The following RAB27B variants were observed in gnomAD, a reference collection of about 807,000 sequenced individuals.
RAB27B encodes the protein RAB27B, member RAS oncogene family, also known as ras-related protein Rab-27B.
A neutral mutation model predicts 24.6 loss-of-function variants in RAB27B; 15 were observed. The observed-to-expected ratio is 0.61, with a 90% confidence interval of 0.41 to 0.94. The LOEUF (loss-of-function observed/expected upper bound fraction) is 0.94. Among genes scored for constraint, RAB27B ranks in the 40% least tolerant of loss-of-function variants. The pLI, the probability that RAB27B is intolerant of heterozygous loss-of-function variation, is 0.00. For missense variants in RAB27B, 261 were observed against 266.8 expected (o/e 0.98, Z 0.15); for synonymous variants, 105 against 92.5 (o/e 1.14, Z -0.78).
chr18:54,815,971 A>G (rs1910109397), intron 2 of RAB27B, among the ~76,000 whole-genome samples: 1 of 152,190 alleles, frequency 6.6e-6, no homozygotes, highest in Non-Finnish European at 1.5e-5. Flanking sequence ...TTCTTTAAGT[A>G]CCAAAATATT....
intron 1 of RAB27B, among the ~76,000 whole-genome samples, chr18:54,838,152 C>T (rs1910967023): frequency 6.6e-6 from 1 of 152,134 alleles, no homozygotes; most frequent in South Asian, 2.1e-4. Context: ...AAATTGATAA[C>T]ACTTTTATCC....
chr18:54,721,379 C>A (rs1909353203), intron 2 of RAB27B, among the ~76,000 whole-genome samples: 1 of 152,126 alleles, frequency 6.6e-6, no homozygotes, highest in Non-Finnish European at 1.5e-5. Context: ...GAAGTTAACG[C>A]TAAGGAAACT....
At chr18:54,859,951 A>G (rs1335142212) in intron 1 of RAB27B, among the ~76,000 whole-genome samples, 1 of 152,220 alleles carries the variant, frequency 6.6e-6, no homozygotes, top group East Asian at 1.9e-4. Context: ...ACCAGATTTT[A>G]AAAACTCAGC....
intron 1 of RAB27B, among the ~76,000 whole-genome samples, chr18:54,851,652 C>T (rs184649518): frequency 6.6e-6 from 1 of 152,112 alleles, no homozygotes; most frequent in South Asian, 2.1e-4. Flanking sequence ...TTATTATCCA[C>T]CCTATTCTGC....
chr18:54,744,936 T>C (rs988524507), intron 2 of RAB27B: 4 of 206,836 alleles, frequency 1.9e-5, no homozygotes, highest in African/African-American at 9.3e-5. Context: ...TGGTGGCTCA[T>C]GCCATCATCA....
Position 54,782,672 on chromosome 18 carries a change from C to T in RAB27B, c.-20+64531C>T, listed in dbSNP as rs375982146. Reference sequence around the variant, plus strand: ...TAAGACTGAAGTTGTTCCTTAAATTCGACCATAAAACACAGACTGTTCATA... The same window carrying T: ...TAAGACTGAAGTTGTTCCTTAAATTTGACCATAAAACACAGACTGTTCATA... On this transcript the variant is annotated intron_variant, in intron 2 of 4. Transcript: ENST00000586570. Among the ~76,000 whole-genome samples, 58 of 152,250 alleles carry T rather than the reference C, an allele frequency of 3.8e-4. No homozygotes were observed. The East Asian group carries it at 7.2e-3, about 19-fold the overall frequency.
rs991192173 is a variant in RAB27B, at chr18:54,747,031, C to T, written c.-20+28890C>T. ...CTGTAAATAAAATAAAATCAGTCTC[C>T]ATGTATCTAAAAAATGTGTATCTGC... is the stretch of plus-strand genomic sequence containing the variant. On this transcript the variant is annotated intron_variant, in intron 2 of 4. Transcript: ENST00000586570. Among the ~76,000 whole-genome samples the T allele has an allele frequency of 3.9e-4, 60 of 152,110 alleles. 1 individual carries two copies. The highest frequency in any genetic ancestry group is 7.3e-5 in the Non-Finnish European group (5 of 68,032).
chr18:54,807,708 A>G (rs1008627963), intron 2 of RAB27B, among the ~76,000 whole-genome samples: 1 of 152,108 alleles, frequency 6.6e-6, no homozygotes, highest in Non-Finnish European at 1.5e-5. Flanking sequence ...TTGAACATTC[A>G]CTGGGGAACT....
intron 2 of RAB27B, among the ~76,000 whole-genome samples, chr18:54,819,433 G>A (rs1374944557): frequency 6.7e-6 from 1 of 149,074 alleles, no homozygotes; most frequent in African/African-American, 2.4e-5. Flanking sequence ...TCAGGAGGCT[G>A]AGGTGGGAGG....
chr18:54,804,024 G>T (rs531387375), intron 2 of RAB27B, among the ~76,000 whole-genome samples: 2 of 152,210 alleles, frequency 1.3e-5, no homozygotes, highest in African/African-American at 2.4e-5. Flanking sequence ...CTTCTTGATT[G>T]GTGTCTTATG....
chr18:54,806,282 C>A (rs1909787796), intron 2 of RAB27B, among the ~76,000 whole-genome samples: 1 of 151,970 alleles, frequency 6.6e-6, no homozygotes, highest in Admixed American at 6.6e-5. Flanking sequence ...TGCAGAACTG[C>A]CCTCCTCTTA....
chr18:54,813,834 A>T (rs1910041451), intron 2 of RAB27B, among the ~76,000 whole-genome samples: 1 of 152,004 alleles, frequency 6.6e-6, no homozygotes, highest in African/African-American at 2.4e-5. Flanking sequence ...CCAGGTTATC[A>T]TTTTTTTTAA....
At chr18:54,729,034 A>G (rs1173766924) in intron 2 of RAB27B, among the ~76,000 whole-genome samples, 1 of 151,400 alleles carries the variant, frequency 6.6e-6, no homozygotes, top group African/African-American at 2.4e-5. Context: ...TCTTATATTC[A>G]TTATAACATA....
At chr18:54,812,983 A>G (rs1347588837) in intron 2 of RAB27B, among the ~76,000 whole-genome samples, 1 of 152,140 alleles carries the variant, frequency 6.6e-6, no homozygotes, top group Non-Finnish European at 1.5e-5. Context: ...ACCCTCTGCA[A>G]TTTTACCCCT....
At chr18:54,865,381 T>C (rs1035855479) in intron 1 of RAB27B, among the ~76,000 whole-genome samples, 1 of 141,726 alleles carries the variant, frequency 7.1e-6, no homozygotes, top group African/African-American at 3.2e-5. Context: ...TATACCTGTC[T>C]GGGGAAATAA....
chr18:54,852,020 C>T (rs143058880), intron 1 of RAB27B, among the ~76,000 whole-genome samples: 342 of 152,240 alleles, frequency 2.2e-3, no homozygotes, highest in African/African-American at 7.7e-3. Context: ...TTCTGTGTTT[C>T]AGATAAATAC....
intron 2 of RAB27B, among the ~76,000 whole-genome samples, chr18:54,786,197 C>T (rs1056040345): frequency 6.6e-6 from 1 of 152,292 alleles, no homozygotes; most frequent in African/African-American, 2.4e-5. Flanking sequence ...GATGTCCTTT[C>T]AACTTTGTAT....
intron 2 of RAB27B, among the ~76,000 whole-genome samples, chr18:54,785,202 A>G (rs1205097248): frequency 6.6e-6 from 1 of 152,074 alleles, no homozygotes; most frequent in East Asian, 1.9e-4. Context: ...CCCAGGTTCA[A>G]GCGATTCTCT....
chr18:54,780,333 C>T lies in RAB27B; in HGVS notation c.-20+62192C>T, dbSNP rs369217698. On this transcript the variant is annotated intron_variant, in intron 2 of 4. Transcript: ENST00000586570. Reference sequence around the variant, plus strand: ...CCCCAACCTGAAGGCTTCGCCTCACCGTGTCTCCCCTCTCCTGATGGTCTC... The same window carrying T: ...CCCCAACCTGAAGGCTTCGCCTCACTGTGTCTCCCCTCTCCTGATGGTCTC... Among the ~76,000 whole-genome samples, 12 of 140,416 alleles carry T rather than the reference C, an allele frequency of 8.5e-5. 1 individual carries two copies. Among genetic ancestry groups the T allele is most frequent in the South Asian group, 7.1e-4 (3 of 4,232 alleles). 92.1% of individuals were successfully genotyped at this position (140,416 alleles called of 152,430 possible).
Sources: allele counts gnomAD v4.1 joint callset (sites outside exome capture counted in the v4.1 genomes callset), GRCh38; gene constraint gnomAD v4.1.1; transcripts MANE v1.5; gene names NCBI Gene and HGNC (gene_info 2026-07-23, HGNC 2026-07-21).